Variants in ADGRG3 observed in about 807,000 individuals in gnomAD.
ADGRG3 encodes the protein adhesion G protein-coupled receptor G3, also known as G protein-coupled receptor 97.
A neutral mutation model predicts 54.3 loss-of-function variants in ADGRG3; 39 were observed. The ratio of observed to expected loss-of-function variants is 0.72; its 90% confidence interval spans 0.56 to 0.94. The LOEUF (loss-of-function observed/expected upper bound fraction) is 0.94. Ranked by LOEUF, ADGRG3 falls within the 40% of genes least tolerant of loss-of-function variation. ADGRG3 has a pLI of 0.00. For synonymous variants in ADGRG3, 312 were observed against 290.0 expected (o/e 1.08, Z -0.77); for missense variants, 654 against 694.6 (o/e 0.94, Z 0.66).
chr16:57,679,729 T>G (rs1448987877), intron 5 of ADGRG3, 87 bp from the exon 6 acceptor site: 5 of 1,032,746 alleles, frequency 4.8e-6, no homozygotes, highest in Non-Finnish European at 7.7e-6. Context: ...ACACTAGGAC[T>G]CGGGGGAGCA....
chr16:57,682,644 C>T (rs1597776456), intron 8 of ADGRG3: 1 of 985,302 alleles, frequency 1.0e-6, no homozygotes. Context: ...GACATGATCC[C>T]AGATGCTCCT....
intron 2 of ADGRG3, chr16:57,674,613 C>T (rs527832701): frequency 6.6e-6 from 3 of 455,160 alleles, no homozygotes; most frequent in Admixed American, 4.7e-5. Context: ...TCTTAGCACC[C>T]CAGAGCTGTT....
At chr16:57,668,792 C>T (rs988965691) in intron 1 of ADGRG3, among the ~76,000 whole-genome samples, 3 of 152,288 alleles carry the variant, frequency 2.0e-5, no homozygotes, top group African/African-American at 4.8e-5. Flanking sequence ...GGACGGGATT[C>T]AGACACTCTG....
chr16:57,678,754 G>C, intron 4 of ADGRG3: 1 of 316,002 alleles, frequency 3.2e-6, no homozygotes, highest in Non-Finnish European at 6.0e-6. Flanking sequence ...ATCCACTCCT[G>C]TGCAGACGTG....
At chr16:57,667,086 CCTG>C (rs1216552922), upstream of ADGRG3, among the ~76,000 whole-genome samples, 1 of 152,236 alleles carries the variant, frequency 6.6e-6, no homozygotes, top group African/African-American at 2.4e-5. Flanking sequence ...TGGGCTCTGA[CCTG>C]CTGCTCCATG....
intron 11 of ADGRG3, among the ~76,000 whole-genome samples, chr16:57,687,973 G>A (rs1567863915): frequency 6.6e-6 from 1 of 152,146 alleles, no homozygotes; most frequent in Non-Finnish European, 1.5e-5. Flanking sequence ...TCTAAGTCAT[G>A]TTCTGTACTT....
In ADGRG3 at chr16:57,684,803, C is replaced by T. The variant is rs1350949871; in HGVS notation, c.1256+320C>T. Among the ~76,000 whole-genome samples the T allele has an allele frequency of 4.6e-5, 7 of 152,302 alleles. No individual in the cohort carries two copies. In the East Asian group the frequency reaches 1.2e-3, roughly 25 times the overall value. On this transcript the variant is annotated intron_variant, in intron 10 of 11. Transcript: ENST00000333493. ...GCAAAGTAAAGAAGGTCACCCCGTC[C>T]GCATGCGGGGTGCGCAGCCTGGAGA...
At chr16:57,667,108 C>T (rs1223948631), upstream of ADGRG3, among the ~76,000 whole-genome samples, 1 of 152,216 alleles carries the variant, frequency 6.6e-6, no homozygotes, top group African/African-American at 2.4e-5. Context: ...TGCTGAATTC[C>T]CACCTGCTCC....
chr16:57,682,719 C>A lies in ADGRG3; in HGVS notation c.882-1213C>A, dbSNP rs547199525. ...TTTTGGATCTGGTTTGCTAAGAATTCAGAGTGGGGGCTCCAGAGAGAGGGA... is the reference window on the plus strand; with the variant it reads ...TTTTGGATCTGGTTTGCTAAGAATTAAGAGTGGGGGCTCCAGAGAGAGGGA... On this transcript the variant is annotated intron_variant, in intron 8 of 11. Transcript: ENST00000333493. 5.1e-6 allele frequency: 4 copies of A among 789,332 alleles called. No individual in the cohort carries two copies. The East Asian group carries it at 3.8e-4, about 76-fold the overall frequency. The allele number at this position is 789,332 out of a possible 1,614,324, so 48.9% of individuals were successfully genotyped here.
chr16:57,679,248 A>C lies in ADGRG3; in HGVS notation c.564A>C (p.Gln188His). The C allele has an allele frequency of 6.2e-7, 1 of 1,613,994 alleles. No individual in the cohort carries two copies. Among genetic ancestry groups the C allele is most frequent in the Non-Finnish European group, 8.5e-7 (1 of 1,179,924 alleles). The stretch of plus-strand genomic sequence containing the variant: ...GCCTGGTGGGTTTGAGTGTGGGACA[A>C]ATGCATGTCACCAAGCTGGCTGAGC... ...NNRLVGLSVG[Q>H]MHVTKLAEPL... The change falls in exon 5 of 12, where the codon CAA (glutamine) becomes CAC (histidine). Residue 188 changes from glutamine (Q) to histidine (H), a missense_variant. By Grantham distance (24) the Gln-to-His change is conservative. Coordinates refer to ENST00000333493, the MANE Select transcript of ADGRG3 (RefSeq NM_170776.5).
In ADGRG3 at chr16:57,673,451, T is replaced by C; in HGVS notation, c.189T>C (p.Asn63=). 1 of 1,605,196 alleles carries C rather than the reference T, an allele frequency of 6.2e-7. No homozygotes were observed. Among genetic ancestry groups the C allele is most frequent in the Non-Finnish European group, 8.5e-7 (1 of 1,172,450 alleles). The change falls in exon 2 of 12, where the codon AAT becomes AAC. Residue 63 remains asparagine, a synonymous_variant. Coordinates refer to ENST00000333493, the MANE Select transcript of ADGRG3 (RefSeq NM_170776.5). The part of the protein sequence containing the change: ...KCRQSGSDSC[N]VENLQRYWLN... Reference sequence around the variant, plus strand: ...GGCAGTCGGGCAGCGACTCCTGCAATGTGGAAAACTTGCAGAGGTGAGGGG... The same window carrying C: ...GGCAGTCGGGCAGCGACTCCTGCAACGTGGAAAACTTGCAGAGGTGAGGGG...
Position 57,684,452 on chromosome 16 carries a change from C to T in ADGRG3, c.1225C>T (p.Arg409Cys), listed in dbSNP as rs111888711. 49 of 1,613,846 alleles carry T rather than the reference C, an allele frequency of 3.0e-5. No homozygotes were observed. In the Middle Eastern group the frequency reaches 9.9e-4, roughly 33 times the overall value. The change falls in exon 10 of 12, where the codon CGT becomes TGT. Residue 409 changes from arginine (R) to cysteine (C), a missense_variant. Transcript: ENST00000333493. ...CAACAGCTACGGCCTCTACACCATC[C>T]GTGATAGGGAGAACCGCACCTCTCT... ...SANSYGLYTIRDRENRTSLEL... is the reference protein window; with the variant it reads ...SANSYGLYTICDRENRTSLEL...
At chr16:57,686,034 G>A (rs1266090578) in intron 11 of ADGRG3, 108 bp downstream of exon 11, 2 of 1,155,112 alleles carry the variant, frequency 1.7e-6, no homozygotes, top group Non-Finnish European at 2.5e-6. Flanking sequence ...GTTCAGGCTA[G>A]CTGAAGTCAA....
At chr16:57,672,466 A>G (rs2048180221) in intron 1 of ADGRG3, among the ~76,000 whole-genome samples, 1 of 152,226 alleles carries the variant, frequency 6.6e-6, no homozygotes, top group Admixed American at 6.5e-5. Context: ...ACCGTTAAAG[A>G]TGGTAAACTC....
chr16:57,680,398 C>T (rs376956457), intron 7 of ADGRG3, 33 bp downstream of exon 7: 2 of 1,590,616 alleles, frequency 1.3e-6, no homozygotes, highest in African/African-American at 2.7e-5. Flanking sequence ...TCCCAGCCAT[C>T]CCAGGGGCTT....
intron 2 of ADGRG3, among the ~76,000 whole-genome samples, chr16:57,675,158 A>G (rs772847393): frequency 3.3e-5 from 5 of 152,034 alleles, no homozygotes; most frequent in Non-Finnish European, 7.4e-5. Flanking sequence ...CATATGATGA[A>G]ATAGTATTCA....
rs1460266126 is a variant in ADGRG3 at position 57,680,314 on chromosome 16, T to C, written c.717T>C (p.Pro239=). The part of the protein sequence containing the change: ...SSEGCSTEVR[P]EGTVCCCDHL... ...AGGGCTGCTCCACGGAGGTCAGACC[T>C]GAGGGGACCGTGTGCTGCTGTGACC... Residue 239 remains proline, a synonymous_variant, in exon 7 of 12, where the codon CCT becomes CCC. Transcript: ENST00000333493. 1.2e-6 allele frequency: 2 copies of C among 1,611,606 alleles called. No homozygotes were observed. The highest frequency in any genetic ancestry group is 1.7e-5 in the Admixed American group (1 of 59,812).
At position 57,685,624 on chromosome 16, in the gene ADGRG3, C is replaced by G; in HGVS notation, c.1257-19C>G. ...AGAGGTACCACTCCCAGTCCCACCA[C>G]AGCTGCCCCCTCCTCCAGATGCTGG... On this transcript the variant is annotated intron_variant, in intron 10 of 11. Coordinates refer to ENST00000333493, the MANE Select transcript of ADGRG3 (RefSeq NM_170776.5). The G allele has an allele frequency of 6.2e-7, 1 of 1,612,380 alleles. No homozygotes were observed. The highest frequency in any genetic ancestry group is 8.5e-7 in the Non-Finnish European group (1 of 1,178,608).
chr16:57,678,241 AT>A lies in ADGRG3; in HGVS notation c.418del (p.Ser140ProfsTer38). 6.2e-7 allele frequency: 1 copy of A among 1,614,092 alleles called. No individual in the cohort carries two copies. Among genetic ancestry groups the A allele is most frequent in the Non-Finnish European group, 8.5e-7 (1 of 1,179,996 alleles). ...TGCGACTTCCCAAGAGCCTTTTTCGATCCCTGCCAGGCAACAGGTCTGTGGT... is the reference window on the plus strand; with the variant it reads ...TGCGACTTCCCAAGAGCCTTTTTCGACCCTGCCAGGCAACAGGTCTGTGGT... Reference protein sequence around the residue: ...RVRLPKSLFRSLPGNRSVVRL... With the variant: ...RVRLPKSLFRXLPGNRSVVRL... On this transcript the variant is annotated frameshift_variant, in exon 4 of 12. Coordinates refer to ENST00000333493, the MANE Select transcript of ADGRG3 (RefSeq NM_170776.5). LOFTEE classifies it high-confidence loss of function.
Sources: allele counts gnomAD v4.1 joint callset (sites outside exome capture counted in the v4.1 genomes callset), GRCh38; gene constraint gnomAD v4.1.1; transcripts MANE v1.5; gene names NCBI Gene and HGNC (gene_info 2026-07-23, HGNC 2026-07-21).